Variants in OXR1 observed in about 807,000 individuals in gnomAD.
The protein encoded by OXR1 is oxidation resistance protein 1.
A neutral mutation model predicts 104.6 loss-of-function variants in OXR1; 41 were observed. That is an observed-to-expected ratio of 0.39 (90% CI 0.31 to 0.51). The LOEUF is 0.51. Among genes scored for constraint, OXR1 ranks in the 20% least tolerant of loss-of-function variants. The pLI is 0.77. For synonymous variants in OXR1, 348 were observed against 348.4 expected (o/e 1.00, Z 0.01); for missense variants, 955 against 1,031.9 (o/e 0.93, Z 1.02).
intron 2 of OXR1, among the ~76,000 whole-genome samples, chr8:106,462,062 G>C (rs771381866): frequency 7.2e-5 from 11 of 152,128 alleles, no homozygotes; most frequent in East Asian, 1.9e-4. Context: ...TGTTTAAGAT[G>C]ATGGGTGACC....
chr8:106,646,197 C>T (rs1824065966), intron 3 of OXR1, among the ~76,000 whole-genome samples: 1 of 152,068 alleles, frequency 6.6e-6, no homozygotes, highest in South Asian at 2.1e-4. Context: ...CCTCCGCCCC[C>T]CAAGTTCAAA....
intron 3 of OXR1, chr8:106,658,246 C>T: frequency 8.1e-7 from 1 of 1,228,716 alleles, no homozygotes; most frequent in Non-Finnish European, 1.0e-6. Context: ...TGTGGGGAGG[C>T]GGCGGTCGTG....
chr8:106,575,371 AT>A (rs1817751115), intron 3 of OXR1, among the ~76,000 whole-genome samples: 1 of 150,890 alleles, frequency 6.6e-6, no homozygotes, highest in South Asian at 2.1e-4. Context: ...AGTTTTTTTC[AT>A]ATCACCCTCA....
At chr8:106,618,944 C>A (rs1048234452) in intron 3 of OXR1, among the ~76,000 whole-genome samples, 3 of 151,436 alleles carry the variant, frequency 2.0e-5, no homozygotes, top group Admixed American at 1.3e-4. Context: ...TTAAACAGAT[C>A]GACCTGTACT....
At chr8:106,631,146 G>C (rs1243186062) in intron 3 of OXR1, among the ~76,000 whole-genome samples, 1 of 152,194 alleles carries the variant, frequency 6.6e-6, no homozygotes, top group Non-Finnish European at 1.5e-5. Context: ...AAGCTTTTTA[G>C]ATGAGAGTAA....
chr8:106,325,704 T>C (rs1022850312), intron 1 of OXR1, among the ~76,000 whole-genome samples: 1 of 152,206 alleles, frequency 6.6e-6, no homozygotes, highest in African/African-American at 2.4e-5. Flanking sequence ...TGATTTATAT[T>C]TTTCACTCAG....
chr8:106,538,833 C>A (rs60190991), intron 3 of OXR1, among the ~76,000 whole-genome samples: 5,544 of 152,096 alleles, frequency 0.036, 334 homozygotes, highest in African/African-American at 0.13. Flanking sequence ...AATTCTTCAA[C>A]GTGGGGAAAA....
intron 11 of OXR1, among the ~76,000 whole-genome samples, chr8:106,718,123 T>A (rs1396223010): frequency 2.0e-5 from 3 of 152,322 alleles, no homozygotes; most frequent in African/African-American, 7.2e-5. Flanking sequence ...TCCCTTTTAA[T>A]CTTGTTTCAG....
intron 2 of OXR1, among the ~76,000 whole-genome samples, chr8:106,489,214 G>A (rs1810912529): frequency 6.6e-6 from 1 of 151,004 alleles, no homozygotes; most frequent in Non-Finnish European, 1.5e-5. Context: ...CTCATGATTT[G>A]GCTCTCTGTT....
At chr8:106,729,677 A>G (rs1412170638) in intron 11 of OXR1, 1 of 152,174 alleles carries the variant, frequency 6.6e-6, no homozygotes, top group Non-Finnish European at 1.5e-5. Context: ...TGAAAAAAGT[A>G]TACACATATA....
chr8:106,487,114 C>A (rs958230069), intron 2 of OXR1, among the ~76,000 whole-genome samples: 1 of 151,176 alleles, frequency 6.6e-6, no homozygotes, highest in Non-Finnish European at 1.5e-5. Flanking sequence ...AACTTCACCT[C>A]CCGGGTTCAA....
chr8:106,408,862 G>C (rs560617146), intron 2 of OXR1, among the ~76,000 whole-genome samples: 104 of 152,132 alleles, frequency 6.8e-4, no homozygotes, highest in Admixed American at 1.0e-3. Context: ...TTATTCAGTG[G>C]AGGCACAGTG....
chr8:106,712,312 C>T (rs1831778240), intron 10 of OXR1, among the ~76,000 whole-genome samples: 1 of 152,088 alleles, frequency 6.6e-6, no homozygotes, highest in African/African-American at 2.4e-5. Flanking sequence ...TACAGAAGGA[C>T]TTATTACCCA....
In OXR1 at chr8:106,581,028, A is replaced by C. The variant is rs917416102; in HGVS notation, c.220+61889A>C. 8 of 1,073,396 alleles carry C rather than the reference A, an allele frequency of 7.5e-6. No individual in the cohort carries two copies. In the African/African-American group the frequency reaches 1.4e-4, roughly 18 times the overall value. 66.5% of individuals were successfully genotyped at this position (1,073,396 alleles called of 1,614,324 possible). A position where few individuals can be genotyped will look rare whatever the true frequency, so the allele number is the denominator to read the frequency against. ...CACTAAAAGCTTCTTAAAATTAGTC[A>C]GAGGAAGACAAGTGGGAAGGTGTAG... On this transcript the variant is annotated intron_variant, in intron 3 of 16. Transcript: ENST00000517566.
chr8:106,752,585 AT>A lies in OXR1; in HGVS notation c.*1646del, dbSNP rs1835962044. 6.6e-6 allele frequency: 1 copy of A among 152,484 alleles called. No individual in the cohort carries two copies. The highest frequency in any genetic ancestry group is 2.4e-5 in the African/African-American group (1 of 41,444). The allele number at this position is 152,484 out of a possible 1,614,324, so 9.4% of individuals were successfully genotyped here. A position where few individuals can be genotyped will look rare whatever the true frequency, so the allele number is the denominator to read the frequency against. The stretch of plus-strand genomic sequence containing the variant: ...CCCTTCGGTCTTCCACAGCAGTATT[AT>A]TGTCTTTGTGGAGTTGACTAATGAT... On this transcript the variant is annotated 3_prime_UTR_variant, in exon 17 of 17. Transcript: ENST00000517566.
chr8:106,585,425 A>G (rs904841891), intron 3 of OXR1, among the ~76,000 whole-genome samples: 6 of 152,110 alleles, frequency 3.9e-5, no homozygotes, highest in African/African-American at 1.4e-4. Flanking sequence ...TAGGTTGTAT[A>G]TCCATTACCC....
intron 1 of OXR1, among the ~76,000 whole-genome samples, chr8:106,300,801 A>T (rs149954796): frequency 6.6e-6 from 1 of 152,226 alleles, no homozygotes; most frequent in African/African-American, 2.4e-5. Flanking sequence ...AAGAGATTCA[A>T]TTGAATTGAG....
At chr8:106,278,892 A>G (rs1324676356) in intron 1 of OXR1, among the ~76,000 whole-genome samples, 2 of 152,198 alleles carry the variant, frequency 1.3e-5, no homozygotes, top group Non-Finnish European at 2.9e-5. Flanking sequence ...TCAGGCTACT[A>G]TAAAATGTAG....
chr8:106,683,873 G>T (rs1168004719), intron 5 of OXR1, among the ~76,000 whole-genome samples: 2 of 152,152 alleles, frequency 1.3e-5, no homozygotes, highest in African/African-American at 2.4e-5. Context: ...TAGTAAACAT[G>T]CCTGTACACA....
Sources: gnomAD v4.1 joint callset for allele counts (sites outside exome capture counted in the v4.1 genomes callset) on GRCh38, gnomAD v4.1.1 for gene constraint, MANE v1.5 for transcripts, NCBI Gene and HGNC (gene_info 2026-07-23, HGNC 2026-07-21) for gene names.